The following CNTNAP2 variants were observed in gnomAD, a reference collection of about 807,000 sequenced individuals.
CNTNAP2 encodes the protein contactin associated protein 2, also known as contactin-associated protein-like 2.
CNTNAP2 carries 98 observed loss-of-function variants against 155.2 expected under a neutral mutation model. The observed-to-expected ratio is 0.63, with a 90% CI of 0.54 to 0.75. The LOEUF is 0.75. Among genes scored for constraint, CNTNAP2 ranks in the 30% least tolerant of loss-of-function variants. CNTNAP2 has a pLI of 0.00. For missense variants in CNTNAP2, 1,727 were observed against 1,688.1 expected, an observed-to-expected ratio of 1.02 and a Z score of -0.40; for synonymous variants, 651 against 631.2, an observed-to-expected ratio of 1.03 and a Z score of -0.47.
chr7:148,106,689 G>A (rs2116590230), intron 15 of CNTNAP2, among the ~76,000 whole-genome samples: 1 of 152,000 alleles, frequency 6.6e-6, no homozygotes, highest in Admixed American at 6.5e-5. Context: ...CCTACAGGAA[G>A]CAGACATCAA....
chr7:146,659,185 C>T (rs970848552), intron 1 of CNTNAP2, among the ~76,000 whole-genome samples: 8 of 152,120 alleles, frequency 5.3e-5, no homozygotes, highest in African/African-American at 1.9e-4. Context: ...GAAAAGGGCG[C>T]AGAGAAGATT....
intron 3 of CNTNAP2, among the ~76,000 whole-genome samples, chr7:146,907,849 G>T (rs1796172652): frequency 6.6e-6 from 1 of 152,156 alleles, no homozygotes; most frequent in East Asian, 1.9e-4. Flanking sequence ...AAAAGACACA[G>T]ACTGGCAAGT....
intron 21 of CNTNAP2, among the ~76,000 whole-genome samples, chr7:148,339,927 G>A (rs1179166900): frequency 1.3e-5 from 2 of 151,850 alleles, no homozygotes; most frequent in African/African-American, 4.8e-5. Flanking sequence ...ACTGCACGGG[G>A]AGCAAGTAAA....
intron 12 of CNTNAP2, among the ~76,000 whole-genome samples, chr7:147,579,360 T>A (rs549249579): frequency 2.6e-5 from 4 of 152,330 alleles, no homozygotes; most frequent in Admixed American, 2.6e-4. Context: ...ATCTTATGTT[T>A]CAGGCATAGG....
At chr7:148,132,652 T>C (rs1804857249) in intron 16 of CNTNAP2, among the ~76,000 whole-genome samples, 1 of 152,222 alleles carries the variant, frequency 6.6e-6, no homozygotes. Context: ...ACAAAAAGAA[T>C]TGTTTCTTGT....
intron 14 of CNTNAP2, among the ~76,000 whole-genome samples, chr7:147,921,581 T>C (rs1800281362): frequency 6.6e-6 from 1 of 152,208 alleles, no homozygotes; most frequent in Non-Finnish European, 1.5e-5. Context: ...CACAAGGTAG[T>C]CTGCTAAGAC....
chr7:146,503,562 C>T (rs1446906569), intron 1 of CNTNAP2, among the ~76,000 whole-genome samples: 1 of 152,110 alleles, frequency 6.6e-6, no homozygotes, highest in South Asian at 2.1e-4. Context: ...TTAGGTCTTA[C>T]ATGTAAGGTC....
rs115312443 is a variant in CNTNAP2, at chr7:148,349,367, C to T, written c.3476-34282C>T. ...CACACGTAAAACACACTAACACTAA[C>T]GGTAGCTAATGAGCTTTAAAAATTG... On this transcript the variant is annotated intron_variant, in intron 21 of 23. Transcript: ENST00000361727. Among the ~76,000 whole-genome samples the T allele has an allele frequency of 2.2e-3, 337 of 150,142 alleles. 3 individuals carry two copies. The highest frequency in any genetic ancestry group is 7.8e-3 in the African/African-American group (317 of 40,808).
In CNTNAP2 at chr7:146,415,150, C is replaced by T. The variant is rs1310862803; in HGVS notation, c.97+298177C>T. 2.0e-5 allele frequency among the ~76,000 whole-genome samples: 3 copies of T among 152,064 alleles called. No individual in the cohort carries two copies. The East Asian group carries it at 5.8e-4, about 29-fold the overall frequency. ...CAGCTTCAATTCATAAGGAGCAAAG[C>T]ACCACAGTCCATGAAGAAAGTAACT... is the stretch of plus-strand genomic sequence containing the variant. On this transcript the variant is annotated intron_variant, in intron 1 of 23. Transcript: ENST00000361727.
rs564986164 is a variant in CNTNAP2, at chr7:146,628,871, C to T, written c.98-145400C>T. On this transcript the variant is annotated intron_variant, in intron 1 of 23. Coordinates refer to ENST00000361727, the MANE Select transcript of CNTNAP2 (RefSeq NM_014141.6). The stretch of plus-strand genomic sequence containing the variant: ...ACCATATTTTGCCCACATTACTTGA[C>T]GGTTATTCTTTATGAATTAATATGG... Among the ~76,000 whole-genome samples, 10 of 152,160 alleles carry T rather than the reference C, an allele frequency of 6.6e-5. No individual in the cohort carries two copies. The South Asian group carries it at 8.3e-4, about 13-fold the overall frequency.
intron 3 of CNTNAP2, among the ~76,000 whole-genome samples, chr7:146,932,860 C>A (rs1197523982): frequency 2.0e-5 from 3 of 151,950 alleles, no homozygotes; most frequent in Admixed American, 1.3e-4. Context: ...AAAAAAAATA[C>A]CTAGGAATCC....
intron 13 of CNTNAP2, among the ~76,000 whole-genome samples, chr7:147,674,491 C>G (rs555899036): frequency 5.5e-4 from 83 of 152,208 alleles, no homozygotes; most frequent in African/African-American, 1.9e-3. Flanking sequence ...AAAGAAAGCT[C>G]TCATTCTATT....
At chr7:146,246,942 C>T (rs1481635493) in intron 1 of CNTNAP2, among the ~76,000 whole-genome samples, 1 of 152,156 alleles carries the variant, frequency 6.6e-6, no homozygotes, top group Non-Finnish European at 1.5e-5. Context: ...GGGTTTGTCT[C>T]ACAGTGGAGG....
chr7:148,137,393 C>T (rs900375963), intron 16 of CNTNAP2, among the ~76,000 whole-genome samples: 20 of 152,204 alleles, frequency 1.3e-4, no homozygotes, highest in Non-Finnish European at 7.3e-5. Context: ...GGCACAGTGG[C>T]TCACGCCTGT....
At chr7:147,836,538 C>A (rs1311103991) in intron 13 of CNTNAP2, among the ~76,000 whole-genome samples, 1 of 152,172 alleles carries the variant, frequency 6.6e-6, no homozygotes, top group African/African-American at 2.4e-5. Flanking sequence ...TATAATAGAT[C>A]AGCCCCACAC....
intron 21 of CNTNAP2, among the ~76,000 whole-genome samples, chr7:148,270,425 A>G (rs1045253629): frequency 2.0e-5 from 3 of 152,162 alleles, no homozygotes; most frequent in Non-Finnish European, 4.4e-5. Flanking sequence ...TATGCAGGTG[A>G]GAGTAGTTAG....
intron 1 of CNTNAP2, among the ~76,000 whole-genome samples, chr7:146,684,943 C>T (rs1437315285): frequency 6.6e-6 from 1 of 151,964 alleles, no homozygotes; most frequent in Admixed American, 6.6e-5. Flanking sequence ...AGCTAAAGAG[C>T]CACAGATTTT....
At chr7:147,162,179 C>A (rs1171617797) in intron 8 of CNTNAP2, 1 of 152,168 alleles carries the variant, frequency 6.6e-6, no homozygotes, top group Non-Finnish European at 1.5e-5. Context: ...CATGTGGGAA[C>A]ACCCATTTAT....
chr7:147,211,073 G>A (rs1206379638), intron 8 of CNTNAP2, among the ~76,000 whole-genome samples: 2 of 151,454 alleles, frequency 1.3e-5, no homozygotes, highest in Non-Finnish European at 2.9e-5. Flanking sequence ...GTCAGTCTTG[G>A]AGTAGGTTTT....
Sources: allele counts gnomAD v4.1 joint callset (sites outside exome capture counted in the v4.1 genomes callset), GRCh38; gene constraint gnomAD v4.1.1; transcripts MANE v1.5; gene names NCBI Gene and HGNC (gene_info 2026-07-23, HGNC 2026-07-21).